Variants in GRID2 observed in about 807,000 individuals in gnomAD.
The protein encoded by GRID2 is glutamate receptor ionotropic, delta-2.
Under a neutral mutation model 114.8 loss-of-function variants are expected in GRID2, and 33 were observed. That is an observed-to-expected ratio of 0.29 (90% CI 0.22 to 0.38). GRID2 has a LOEUF of 0.38. GRID2 is among the 10% of genes least tolerant of loss of function. The probability of loss-of-function intolerance (pLI) is 1.00; values close to 1 mark genes in which losing one functional copy is unlikely to be tolerated. For synonymous variants in GRID2, 505 were observed against 449.9 expected (o/e 1.12, Z -1.55); for missense variants, 1,184 against 1,257.7 (o/e 0.94, Z 0.89).
intron 8 of GRID2, among the ~76,000 whole-genome samples, chr4:93,367,059 T>C (rs1023916107): frequency 2.0e-5 from 3 of 152,098 alleles, no homozygotes; most frequent in Non-Finnish European, 2.9e-5. Flanking sequence ...GTTGTAAGTA[T>C]GGGATATGAA....
chr4:93,299,843 G>C (rs1418590166), intron 8 of GRID2, among the ~76,000 whole-genome samples: 2 of 152,016 alleles, frequency 1.3e-5, no homozygotes, highest in African/African-American at 4.8e-5. Flanking sequence ...AAGAGTCCCA[G>C]ATATTTAAGG....
At chr4:93,161,145 A>G (rs1737653884) in intron 4 of GRID2, among the ~76,000 whole-genome samples, 1 of 151,892 alleles carries the variant, frequency 6.6e-6, no homozygotes, top group Non-Finnish European at 1.5e-5. Context: ...AAAAGTTTAC[A>G]TCATAATGCA....
intron 1 of GRID2, among the ~76,000 whole-genome samples, chr4:92,468,068 A>G (rs1382207566): frequency 6.6e-6 from 1 of 151,996 alleles, no homozygotes; most frequent in Non-Finnish European, 1.5e-5. Flanking sequence ...ACTTTTTTCC[A>G]TACTAAGAGG....
At chr4:93,075,106 C>T (rs1195916958) in intron 2 of GRID2, among the ~76,000 whole-genome samples, 1 of 152,102 alleles carries the variant, frequency 6.6e-6, no homozygotes, top group African/African-American at 2.4e-5. Context: ...TATTCTAACC[C>T]ATTTACTGAA....
Position 92,974,514 on chromosome 4 carries a change from AG to A in GRID2, c.245-110479del, listed in dbSNP as rs1168817856. On this transcript the variant is annotated intron_variant, in intron 2 of 15. Coordinates refer to ENST00000282020, the MANE Select transcript of GRID2 (RefSeq NM_001510.4). ...ATGGAATACTTTGCAGCCATAAAAA[AG>A]GATGAGTTAATGTCCATTGCAGGGA... 8.5e-5 allele frequency among the ~76,000 whole-genome samples: 13 copies of A among 152,182 alleles called. 1 individual carries two copies. Among genetic ancestry groups the A allele is most frequent in the Non-Finnish European group, 1.2e-4 (8 of 68,028 alleles).
chr4:92,697,114 T>C (rs957880158), intron 2 of GRID2, among the ~76,000 whole-genome samples: 6 of 152,352 alleles, frequency 3.9e-5, no homozygotes, highest in African/African-American at 1.2e-4. Flanking sequence ...TTATAACACA[T>C]ATATCCTCCT....
intron 1 of GRID2, among the ~76,000 whole-genome samples, chr4:92,412,214 G>T (rs1731373982): frequency 6.6e-6 from 1 of 151,960 alleles, no homozygotes; most frequent in African/African-American, 2.4e-5. Flanking sequence ...CTATCAAGAA[G>T]TAAGCTACAT....
chr4:93,494,942 A>C (rs879677186), intron 12 of GRID2, among the ~76,000 whole-genome samples: 2 of 151,814 alleles, frequency 1.3e-5, no homozygotes, highest in Non-Finnish European at 2.9e-5. Flanking sequence ...CTTTATTGTG[A>C]TATTACTTCC....
At chr4:92,605,640 T>C (rs1034836237) in intron 2 of GRID2, among the ~76,000 whole-genome samples, 1 of 151,926 alleles carries the variant, frequency 6.6e-6, no homozygotes, top group African/African-American at 2.4e-5. Flanking sequence ...GACATGAAAA[T>C]ATGAAGGGAA....
At chr4:93,106,458 T>G (rs888183607) in intron 3 of GRID2, among the ~76,000 whole-genome samples, 12 of 152,184 alleles carry the variant, frequency 7.9e-5, no homozygotes, top group African/African-American at 2.7e-4. Context: ...GCGATTCTCC[T>G]GTTTCAGCCT....
At chr4:93,793,145 T>C (rs1734728579) in intron 1 of GRID2, among the ~76,000 whole-genome samples, 1 of 152,142 alleles carries the variant, frequency 6.6e-6, no homozygotes, top group African/African-American at 2.4e-5. Context: ...TTCATAAAAT[T>C]TACTTATTAA....
intron 4 of GRID2, among the ~76,000 whole-genome samples, chr4:93,179,164 A>G (rs541735579): frequency 9.2e-5 from 14 of 152,294 alleles, no homozygotes; most frequent in Non-Finnish European, 1.5e-4. Flanking sequence ...CTTTTGTTCA[A>G]TCTGAAACCG....
At chr4:92,567,231 T>G (rs1331427102) in intron 1 of GRID2, among the ~76,000 whole-genome samples, 1 of 152,010 alleles carries the variant, frequency 6.6e-6, no homozygotes, top group East Asian at 1.9e-4. Flanking sequence ...TTTCTTCTTT[T>G]TTGAATTCCT....
intron 2 of GRID2, among the ~76,000 whole-genome samples, chr4:92,848,987 T>C (rs1017350161): frequency 6.6e-6 from 1 of 151,864 alleles, no homozygotes; most frequent in African/African-American, 2.4e-5. Context: ...CTGTGGGAAT[T>C]AAATTTCTGT....
chr4:93,607,071 T>C (rs766532295), intron 13 of GRID2, among the ~76,000 whole-genome samples: 2 of 152,134 alleles, frequency 1.3e-5, no homozygotes, highest in Non-Finnish European at 2.9e-5. Flanking sequence ...TAAATGTAAC[T>C]ACACTTGTCT....
chr4:93,088,471 G>A (rs1488566608), intron 3 of GRID2, among the ~76,000 whole-genome samples: 4 of 152,036 alleles, frequency 2.6e-5, no homozygotes, highest in Non-Finnish European at 4.4e-5. Context: ...AGAAAATAGT[G>A]GATTAAGTGT....
chr4:92,795,779 C>T (rs1254233774), intron 2 of GRID2, among the ~76,000 whole-genome samples: 3 of 151,890 alleles, frequency 2.0e-5, no homozygotes. Flanking sequence ...CATCTTTTTC[C>T]TCATTGTCTG....
chr4:93,759,236 C>T (rs1040576427), intron 14 of GRID2, among the ~76,000 whole-genome samples: 9 of 152,034 alleles, frequency 5.9e-5, no homozygotes, highest in Admixed American at 1.3e-4. Context: ...ATTGCTTCTC[C>T]GCGAACAGGG....
intron 1 of GRID2, among the ~76,000 whole-genome samples, chr4:92,490,022 G>C (rs573897152): frequency 6.6e-6 from 1 of 152,022 alleles, no homozygotes; most frequent in Admixed American, 6.6e-5. Flanking sequence ...TCAAAAGTAC[G>C]TTTCCTTAAA....
Sources: allele counts gnomAD v4.1 joint callset (sites outside exome capture counted in the v4.1 genomes callset), GRCh38; gene constraint gnomAD v4.1.1; transcripts MANE v1.5; gene names NCBI Gene and HGNC (gene_info 2026-07-23, HGNC 2026-07-21).